Variants in GALNT17 observed in about 807,000 individuals in gnomAD.
GALNT17 encodes the protein polypeptide N-acetylgalactosaminyltransferase 17, also known as UDP-GalNAc:polypeptide N-acetylgalactosaminyltransferase-like 3.
Under a neutral mutation model 63.7 loss-of-function variants are expected in GALNT17, and 29 were observed. The ratio of observed to expected loss-of-function variants is 0.46; its 90% CI spans 0.34 to 0.62. The LOEUF is 0.62. Among genes scored for constraint, GALNT17 ranks in the 20% least tolerant of loss-of-function variants. The probability of loss-of-function intolerance (pLI) is 0.01; values close to 1 mark genes in which losing one functional copy is unlikely to be tolerated. For synonymous variants in GALNT17, 305 were observed against 318.3 expected, an observed-to-expected ratio of 0.96 and a Z score of 0.45; for missense variants, 603 against 799.6, an observed-to-expected ratio of 0.75 and a Z score of 2.97.
intron 5 of GALNT17, among the ~76,000 whole-genome samples, chr7:71,497,654 G>A (rs1788117480): frequency 6.6e-6 from 1 of 152,248 alleles, no homozygotes; most frequent in Non-Finnish European, 1.5e-5. Flanking sequence ...TCCATTAAAT[G>A]TAAGTCCACT....
At chr7:71,409,710 G>A (rs10216049) in intron 3 of GALNT17, among the ~76,000 whole-genome samples, 5,826 of 152,240 alleles carry the variant, frequency 0.038, 191 homozygotes, top group African/African-American at 0.088. Context: ...CACCAGGTTC[G>A]TATGTCCACT....
At chr7:71,247,577 C>T (rs532602776) in intron 1 of GALNT17, among the ~76,000 whole-genome samples, 2 of 152,308 alleles carry the variant, frequency 1.3e-5, no homozygotes, top group African/African-American at 4.8e-5. Context: ...CTGCCTCAGC[C>T]TCCCGAGCAG....
chr7:71,141,175 T>C (rs1787882899), intron 1 of GALNT17, among the ~76,000 whole-genome samples: 1 of 151,970 alleles, frequency 6.6e-6, no homozygotes, highest in Non-Finnish European at 1.5e-5. Context: ...AAGACCAGCC[T>C]GGCCAACATG....
chr7:71,350,981 AAAT>A (rs1792178962), intron 2 of GALNT17, among the ~76,000 whole-genome samples: 1 of 151,610 alleles, frequency 6.6e-6, no homozygotes, highest in South Asian at 2.1e-4. Context: ...TCTCTACTAA[AAAT>A]ACAAAAATTA....
intron 6 of GALNT17, among the ~76,000 whole-genome samples, chr7:71,603,570 A>G (rs1465242325): frequency 6.6e-6 from 1 of 151,970 alleles, no homozygotes; most frequent in African/African-American, 2.4e-5. Flanking sequence ...GTACTGTGCT[A>G]CGTGCATATG....
intron 1 of GALNT17, among the ~76,000 whole-genome samples, chr7:71,180,129 TCTTA>T (rs1387380817): frequency 1.3e-5 from 2 of 151,568 alleles, no homozygotes; most frequent in East Asian, 1.9e-4. Context: ...GTATTTTTTT[TCTTA>T]CTTTTTTTTT....
chr7:71,711,614 TTCTC>T lies in GALNT17; in HGVS notation c.1669-400_1669-397del, dbSNP rs375107715. Among the ~76,000 whole-genome samples the T allele has an allele frequency of 7.2e-3, 1,082 of 151,292 alleles. 19 individuals are homozygous for T. The highest frequency in any genetic ancestry group is 0.024 in the African/African-American group (988 of 41,174). ...TCTTGTCTCTCCTCTATCTCCTGTCTTCTCTCTGTTCCTCTCCTCTCTTCTCTTT... is the reference window on the plus strand; with the variant it reads ...TCTTGTCTCTCCTCTATCTCCTGTCTTCTGTTCCTCTCCTCTCTTCTCTTT... On this transcript the variant is annotated intron_variant, in intron 10 of 10. Transcript: ENST00000333538.
At chr7:71,288,429 T>C (rs1790917089) in intron 1 of GALNT17, among the ~76,000 whole-genome samples, 1 of 151,776 alleles carries the variant, frequency 6.6e-6, no homozygotes, top group African/African-American at 2.4e-5. Flanking sequence ...AAACCCACGG[T>C]TTTCAGGGGT....
At chr7:71,588,698 A>T (rs1357951178) in intron 6 of GALNT17, among the ~76,000 whole-genome samples, 1 of 151,876 alleles carries the variant, frequency 6.6e-6, no homozygotes, top group Non-Finnish European at 1.5e-5. Context: ...GACAACCCAT[A>T]CTCCCAGAGA....
At chr7:71,620,266 C>G (rs1790271617) in intron 6 of GALNT17, among the ~76,000 whole-genome samples, 1 of 152,204 alleles carries the variant, frequency 6.6e-6, no homozygotes, top group Non-Finnish European at 1.5e-5. Flanking sequence ...TGTTGCATCT[C>G]TGCCAGATTT....
chr7:71,492,394 C>T (rs919790009), intron 5 of GALNT17, among the ~76,000 whole-genome samples: 2 of 152,314 alleles, frequency 1.3e-5, no homozygotes, highest in South Asian at 2.1e-4. Flanking sequence ...TCTCTCTTCA[C>T]CCCTAGAGCT....
intron 6 of GALNT17, among the ~76,000 whole-genome samples, chr7:71,572,535 A>C (rs1789465403): frequency 7.1e-6 from 1 of 140,334 alleles, no homozygotes; most frequent in Non-Finnish European, 1.5e-5. Flanking sequence ...AAAAAACTAC[A>C]TGTTTAAGGT....
At chr7:71,156,804 C>G (rs2116235353) in intron 1 of GALNT17, among the ~76,000 whole-genome samples, 1 of 151,530 alleles carries the variant, frequency 6.6e-6, no homozygotes, top group Non-Finnish European at 1.5e-5. Context: ...ACTGCAGACT[C>G]CAATCCCTGG....
intron 1 of GALNT17, among the ~76,000 whole-genome samples, chr7:71,321,172 C>G (rs1791599459): frequency 6.6e-6 from 1 of 152,156 alleles, no homozygotes; most frequent in African/African-American, 2.4e-5. Context: ...TTATTCAATT[C>G]AGCATATTTC....
intron 5 of GALNT17, among the ~76,000 whole-genome samples, chr7:71,439,949 T>A (rs1426873345): frequency 6.7e-6 from 1 of 150,210 alleles, no homozygotes; most frequent in East Asian, 2.0e-4. Context: ...CCCTCTTTTT[T>A]TTTTTTTTTT....
intron 5 of GALNT17, among the ~76,000 whole-genome samples, chr7:71,548,528 T>A (rs1357591766): frequency 6.6e-6 from 1 of 152,280 alleles, no homozygotes; most frequent in African/African-American, 2.4e-5. Flanking sequence ...CCCATGCTGT[T>A]CTCTTGATAG....
In GALNT17 at chr7:71,227,373, GAA is replaced by G. The variant is rs11291968; in HGVS notation, c.238+94344_238+94345del. ...AGCAAGACCCTGTCTCTAAAAAATG[GAA>G]AAAAAAAAAATCATTGAGAAGAGAG... On this transcript the variant is annotated intron_variant, in intron 1 of 10. Transcript: ENST00000333538. 1.5e-4 allele frequency among the ~76,000 whole-genome samples: 21 copies of G among 142,584 alleles called. No homozygotes were observed. The East Asian group carries it at 3.3e-3, about 22-fold the overall frequency. The allele number at this position is 142,584 out of a possible 152,430, so 93.5% of individuals were successfully genotyped here. A position where few individuals can be genotyped will look rare whatever the true frequency, so the allele number is the denominator to read the frequency against.
chr7:71,475,378 C>T (rs1331957177), intron 5 of GALNT17, among the ~76,000 whole-genome samples: 3 of 152,042 alleles, frequency 2.0e-5, no homozygotes, highest in Non-Finnish European at 4.4e-5. Flanking sequence ...CTAAACGGTC[C>T]CTTCTGGGGG....
chr7:71,689,606 G>C (rs1791411540), intron 9 of GALNT17, among the ~76,000 whole-genome samples: 1 of 152,234 alleles, frequency 6.6e-6, no homozygotes, highest in Admixed American at 6.5e-5. Context: ...TTTAAGGAAA[G>C]AAGCTGTCTC....
Sources: allele counts gnomAD v4.1 joint callset (sites outside exome capture counted in the v4.1 genomes callset), GRCh38; gene constraint gnomAD v4.1.1; transcripts MANE v1.5; gene names NCBI Gene and HGNC (gene_info 2026-07-23, HGNC 2026-07-21).